PAM: variants seen among roughly 807,000 people sequenced by gnomAD.
The protein encoded by PAM is peptidylglycine alpha-amidating monooxygenase.
PAM carries 72 observed loss-of-function variants against 122.1 expected under a neutral mutation model. That is an observed-to-expected ratio of 0.59 (90% confidence interval 0.49 to 0.72). The LOEUF is 0.72. PAM is among the 30% of genes least tolerant of loss of function. The pLI is 0.00. For synonymous variants in PAM, 389 were observed against 404.4 expected (o/e 0.96, Z 0.46); for missense variants, 1,106 against 1,183.7 (o/e 0.93, Z 0.96).
intron 21 of PAM, among the ~76,000 whole-genome samples, chr5:103,010,700 T>C (rs1030346640): frequency 3.3e-5 from 5 of 152,234 alleles, no homozygotes; most frequent in East Asian, 1.9e-4. Flanking sequence ...TATAATGTTA[T>C]GTTATTTTTA....
intron 1 of PAM, among the ~76,000 whole-genome samples, chr5:102,758,308 A>G (rs2149642067): frequency 6.6e-6 from 1 of 152,084 alleles, no homozygotes; most frequent in South Asian, 2.1e-4. Flanking sequence ...GGACTCTCAC[A>G]TTAAGGCATG....
At chr5:102,997,233 A>G (rs948039964) in intron 16 of PAM, among the ~76,000 whole-genome samples, 9 of 152,048 alleles carry the variant, frequency 5.9e-5, no homozygotes, top group African/African-American at 1.9e-4. Flanking sequence ...TTGCAAGACA[A>G]TTTTTTTTAA....
At chr5:102,908,429 T>C (rs148641190) in intron 4 of PAM, among the ~76,000 whole-genome samples, 2,451 of 152,054 alleles carry the variant, frequency 0.016, 64 homozygotes, top group African/African-American at 0.056. Context: ...TTTGTTCTTT[T>C]GGCTTAGGAT....
chr5:102,885,081 C>CTATATATATATATA (rs72500464), intron 3 of PAM, among the ~76,000 whole-genome samples: 14 of 133,542 alleles, frequency 1.0e-4, no homozygotes, highest in Non-Finnish European at 1.7e-4. Flanking sequence ...TGTTTAATAA[C>CTATATATATATATA]TATATATATA....
At chr5:102,925,986 T>A (rs532824257) in intron 6 of PAM, among the ~76,000 whole-genome samples, 43 of 152,332 alleles carry the variant, frequency 2.8e-4, no homozygotes, top group African/African-American at 9.4e-4. Context: ...AGAAGAAAAG[T>A]AATGCCACTT....
Position 102,865,921 on chromosome 5 carries a change from G to A in PAM, c.-275G>A. 1 of 373,936 alleles carries A rather than the reference G, an allele frequency of 2.7e-6. No individual in the cohort carries two copies. The highest frequency in any genetic ancestry group is 7.0e-4 in the Middle Eastern group (1 of 1,438). The allele number at this position is 373,936 out of a possible 1,614,324, so 23.2% of individuals were successfully genotyped here. A position where few individuals can be genotyped will look rare whatever the true frequency, so the allele number is the denominator to read the frequency against. The stretch of plus-strand genomic sequence containing the variant: ...CCGCGCGTCTAGCCCCAGCGCCAGG[G>A]CACGCGAGCGGCGCTGGAGGGAGGA... On this transcript the variant is annotated 5_prime_UTR_variant, in exon 2 of 26. Coordinates refer to ENST00000438793, the MANE Select transcript of PAM (RefSeq NM_001177306.2).
In PAM at chr5:103,007,584, C is replaced by T. The variant is rs757172688; in HGVS notation, c.2142C>T (p.Asp714=). ...GTCGGATCCAGTGTTTTAAAACTGA[C>T]ACCAAAGAATTTGTGAGAGAGATTA... The part of the protein sequence containing the change: ...ENGRIQCFKT[D]TKEFVREIKH... The change falls in exon 20 of 26, where the codon GAC becomes GAT. Residue 714 remains aspartate, a synonymous_variant. Coordinates refer to ENST00000438793, the MANE Select transcript of PAM (RefSeq NM_001177306.2). 7 of 1,613,702 alleles carry T rather than the reference C, an allele frequency of 4.3e-6. No homozygotes were observed. The Admixed American group carries it at 6.7e-5, about 15-fold the overall frequency.
chr5:102,826,848 T>G (rs1285461177), intron 1 of PAM, among the ~76,000 whole-genome samples: 1 of 152,198 alleles, frequency 6.6e-6, no homozygotes, highest in Non-Finnish European at 1.5e-5. Flanking sequence ...CTTGAGGAAG[T>G]AAAAATTAGC....
chr5:102,967,989 C>G (rs1764637562), intron 14 of PAM, among the ~76,000 whole-genome samples: 1 of 152,108 alleles, frequency 6.6e-6, no homozygotes, highest in African/African-American at 2.4e-5. Flanking sequence ...TCCCAAAGTG[C>G]TGGGATTACA....
intron 1 of PAM, among the ~76,000 whole-genome samples, chr5:102,818,964 T>C (rs1306971845): frequency 6.6e-6 from 1 of 152,208 alleles, no homozygotes; most frequent in Admixed American, 6.5e-5. Flanking sequence ...ACTGTTGAGA[T>C]TGATATGAAT....
At chr5:102,882,146 G>A (rs1791490013) in intron 3 of PAM, among the ~76,000 whole-genome samples, 1 of 129,578 alleles carries the variant, frequency 7.7e-6, no homozygotes, top group Admixed American at 8.4e-5. Context: ...TTGTTGGATG[G>A]GCATTTGGGC....
At chr5:102,879,894 T>G (rs186224282) in intron 3 of PAM, among the ~76,000 whole-genome samples, 1 of 152,278 alleles carries the variant, frequency 6.6e-6, no homozygotes, top group African/African-American at 2.4e-5. Flanking sequence ...GTGTAGTAGA[T>G]TATATCATCT....
chr5:102,775,896 C>G (rs1278182931), intron 1 of PAM, among the ~76,000 whole-genome samples: 2 of 151,940 alleles, frequency 1.3e-5, no homozygotes, highest in African/African-American at 4.8e-5. Flanking sequence ...TCTGGTAATA[C>G]ATCCTTGAGG....
chr5:103,019,381 C>T (rs1395065859), intron 22 of PAM, among the ~76,000 whole-genome samples: 1 of 152,134 alleles, frequency 6.6e-6, no homozygotes, highest in Admixed American at 6.5e-5. Flanking sequence ...AACACTAAAT[C>T]GGTGTCTCAT....
chr5:103,009,581 T>C (rs1780021624), intron 20 of PAM, among the ~76,000 whole-genome samples, 170 bp from the exon 21 acceptor site: 1 of 152,222 alleles, frequency 6.6e-6, no homozygotes, highest in South Asian at 2.1e-4. Flanking sequence ...AGTTTGCCAC[T>C]GATCTGGTTA....
At chr5:102,990,238 C>T in intron 15 of PAM, 34 bp from the exon 16 acceptor site, 1 of 1,467,074 alleles carries the variant, frequency 6.8e-7, no homozygotes, top group South Asian at 1.5e-5. Context: ...TCGACCTTTC[C>T]CTTTTACACT....
At chr5:102,959,158 T>C (rs1047651874) in intron 12 of PAM, among the ~76,000 whole-genome samples, 20 of 152,144 alleles carry the variant, frequency 1.3e-4, no homozygotes, top group Admixed American at 8.5e-4. Context: ...ATTTTTAACA[T>C]TGAGTCATTC....
intron 3 of PAM, chr5:102,895,940 C>A (rs1796082424): frequency 1.3e-5 from 2 of 151,674 alleles, no homozygotes; most frequent in South Asian, 4.1e-4. Context: ...AAAGCATGAA[C>A]CACTAGCTTA....
intron 21 of PAM, among the ~76,000 whole-genome samples, chr5:103,013,497 T>C (rs954159704): frequency 6.6e-6 from 1 of 152,208 alleles, no homozygotes; most frequent in Non-Finnish European, 1.5e-5. Context: ...GATTATATAA[T>C]CTGCAAACAA....
Sources: gnomAD v4.1 joint callset for allele counts (sites outside exome capture counted in the v4.1 genomes callset) on GRCh38, gnomAD v4.1.1 for gene constraint, MANE v1.5 for transcripts, NCBI Gene and HGNC (gene_info 2026-07-23, HGNC 2026-07-21) for gene names.